The following ZNF276 variants were observed in gnomAD, a reference collection of about 807,000 sequenced individuals.
The protein encoded by ZNF276 is centromere protein Z.
In ZNF276, 59 loss-of-function variants were observed where a neutral mutation model predicts 63.9. That is an observed-to-expected ratio of 0.92 (90% CI 0.75 to 1.15). The LOEUF is 1.15. Ranked by LOEUF, ZNF276 falls within the 50% of genes most tolerant of loss-of-function variation. ZNF276 has a pLI of 0.00. For missense variants in ZNF276, 1,084 were observed against 843.8 expected (o/e 1.28, Z -3.53); for synonymous variants, 496 against 348.4 (o/e 1.42, Z -4.72).
Position 89,739,886 on chromosome 16 carries a change from A to G in ZNF276, c.*1640A>G, listed in dbSNP as rs755882784. 6.4e-7 allele frequency: 1 copy of G among 1,564,324 alleles called. No individual in the cohort carries two copies. Among genetic ancestry groups the G allele is most frequent in the Admixed American group, 1.9e-5 (1 of 53,250 alleles). On this transcript the variant is annotated 3_prime_UTR_variant, in exon 11 of 11. Transcript: ENST00000443381. The stretch of plus-strand genomic sequence containing the variant: ...CTGTCCCAACTAAAATGGAGCTTAT[A>G]AACTTACTTAGCAAGGAACCTCAAG...
At chr16:89,727,004 A>G (rs768197006) in intron 4 of ZNF276, among the ~76,000 whole-genome samples, 3 of 152,172 alleles carry the variant, frequency 2.0e-5, no homozygotes, top group Non-Finnish European at 4.4e-5. Flanking sequence ...GAAGGACTGG[A>G]TCGGAGTCAG....
In ZNF276 at chr16:89,738,146, C is replaced by A; in HGVS notation, c.1745C>A (p.Thr582Asn). The A allele has an allele frequency of 6.2e-7, 1 of 1,613,620 alleles. No homozygotes were observed. The highest frequency in any genetic ancestry group is 8.5e-7 in the Non-Finnish European group (1 of 1,180,002). The change falls in exon 11 of 11, where the codon ACC becomes AAC. Residue 582 changes from threonine to asparagine, a missense_variant. Transcript: ENST00000443381. ...TCCATGGTGCACCCGCTGACACAGACCCAGGACAAGGCCCTGCCCCTGGAG... is the reference window on the plus strand; with the variant it reads ...TCCATGGTGCACCCGCTGACACAGAACCAGGACAAGGCCCTGCCCCTGGAG... Reference protein sequence around the residue: ...HMSMVHPLTQTQDKALPLEAE... With the variant: ...HMSMVHPLTQNQDKALPLEAE...
At chr16:89,734,686 G>A (rs937601984) in intron 9 of ZNF276, among the ~76,000 whole-genome samples, 5 of 152,192 alleles carry the variant, frequency 3.3e-5, no homozygotes, top group Non-Finnish European at 5.9e-5. Context: ...AGCTGCCCAC[G>A]TGGACAGGCG....
chr16:89,735,555 G>A (rs1049923414), intron 9 of ZNF276, among the ~76,000 whole-genome samples: 2 of 152,040 alleles, frequency 1.3e-5, no homozygotes, highest in African/African-American at 2.4e-5. Context: ...GTCACTGATG[G>A]TCACAACCAG....
In ZNF276 at chr16:89,738,943, C is replaced by T. The variant is rs149851163; in HGVS notation, c.*697C>T. On this transcript the variant is annotated 3_prime_UTR_variant, in exon 11 of 11. Transcript: ENST00000443381. ...AGGTATTAACTGCAGCAGAAAAAGA[C>T]GAGCTTTTGTTATCAGTTCCACGGG... is the stretch of plus-strand genomic sequence containing the variant. 6.9e-5 allele frequency: 111 copies of T among 1,614,272 alleles called. No homozygotes were observed. Among genetic ancestry groups the T allele is most frequent in the Admixed American group, 8.3e-5 (5 of 60,032 alleles).
At chr16:89,736,888 G>A (rs2061931955) in intron 9 of ZNF276, among the ~76,000 whole-genome samples, 1 of 151,614 alleles carries the variant, frequency 6.6e-6, no homozygotes, top group Non-Finnish European at 1.5e-5. Context: ...CTGGGCAACA[G>A]AGCAAGACTC....
chr16:89,731,191 A>G (rs1482955422), intron 6 of ZNF276, among the ~76,000 whole-genome samples: 2 of 152,184 alleles, frequency 1.3e-5, no homozygotes, highest in Non-Finnish European at 2.9e-5. Flanking sequence ...GGTCATGAAA[A>G]CCAGTTATTA....
At chr16:89,727,679 G>A (rs962929410) in intron 5 of ZNF276, among the ~76,000 whole-genome samples, 4 of 152,246 alleles carry the variant, frequency 2.6e-5, no homozygotes, top group Non-Finnish European at 5.9e-5. Flanking sequence ...CAGCTCCAGA[G>A]GGAGCCTGAT....
At chr16:89,722,242 C>G (rs959552201) in intron 1 of ZNF276, among the ~76,000 whole-genome samples, 2 of 152,216 alleles carry the variant, frequency 1.3e-5, no homozygotes, top group Non-Finnish European at 2.9e-5. Context: ...GCGCCTGCCC[C>G]GGGTCTCGCG....
rs2061419584 is a variant in ZNF276 at position 89,724,832 on chromosome 16, AC to A, written c.1006+1125del. ...TATCTGTGTATCTATCTACCTACCTACCTATCTATCTTCCTACTTCTTTGTC... is the reference window on the plus strand; with the variant it reads ...TATCTGTGTATCTATCTACCTACCTACTATCTATCTTCCTACTTCTTTGTC... On this transcript the variant is annotated intron_variant, in intron 4 of 10. Transcript: ENST00000443381. Among the ~76,000 whole-genome samples the A allele has an allele frequency of 4.5e-5, 6 of 133,096 alleles. No individual in the cohort carries two copies. The South Asian group carries it at 1.1e-3, about 24-fold the overall frequency. 87.3% of individuals were successfully genotyped at this position (133,096 alleles called of 152,430 possible). A position where few individuals can be genotyped will look rare whatever the true frequency, so the allele number is the denominator to read the frequency against.
intron 5 of ZNF276, 42 bp from the exon 6 acceptor site, chr16:89,729,193 C>T (rs1391491339): frequency 2.5e-6 from 4 of 1,572,790 alleles, no homozygotes; most frequent in Non-Finnish European, 3.5e-6. Context: ...CTGTCACTGC[C>T]CAGGCCCAGG....
chr16:89,730,880 C>T (rs965929264), intron 6 of ZNF276, among the ~76,000 whole-genome samples: 30 of 152,304 alleles, frequency 2.0e-4, no homozygotes, highest in Admixed American at 1.8e-3. Context: ...CAGCTGGGGG[C>T]GCATGAGAAG....
chr16:89,735,515 G>C (rs768136538), intron 9 of ZNF276, among the ~76,000 whole-genome samples: 175 of 147,928 alleles, frequency 1.2e-3, no homozygotes, highest in Non-Finnish European at 1.5e-3. Context: ...ACTTCCTTGG[G>C]TTTGGTCCTT....
In ZNF276 at chr16:89,723,527, G is replaced by T. The variant is rs559873825; in HGVS notation, c.824G>T (p.Arg275Leu). 2 of 1,612,840 alleles carry T rather than the reference G, an allele frequency of 1.2e-6. No homozygotes were observed. The highest frequency in any genetic ancestry group is 2.2e-5 in the South Asian group (2 of 91,090). Reference protein sequence around the residue: ...KETAPRLPQHRGWNPGDAPQT... With the variant: ...KETAPRLPQHLGWNPGDAPQT... ...ACGGCGCCACGGCTGCCCCAGCACC[G>T]AGGGTGGAACCCTGGGGATGCCCCT... The change falls in exon 4 of 11, where the codon CGA becomes CTA. Residue 275 changes from arginine (R) to leucine (L), a missense_variant. Transcript: ENST00000443381.
chr16:89,734,598 T>C (rs2061786711), intron 9 of ZNF276, among the ~76,000 whole-genome samples: 1 of 152,060 alleles, frequency 6.6e-6, no homozygotes, highest in African/African-American at 2.4e-5. Context: ...AGATTACAGG[T>C]GTGAGCACTG....
At position 89,740,016 on chromosome 16, in the gene ZNF276, T is replaced by C. The variant is rs545021222; in HGVS notation, c.*1770T>C. On this transcript the variant is annotated 3_prime_UTR_variant, in exon 11 of 11. Transcript: ENST00000443381. ...TACCACTCTCTGTCAACTGAAAGAG[T>C]GCCAGCCAGGATATCTTCCTCTTCT... 47 of 1,614,082 alleles carry C rather than the reference T, an allele frequency of 2.9e-5. No individual in the cohort carries two copies. The African/African-American group carries it at 5.5e-4, about 19-fold the overall frequency.
intron 5 of ZNF276, 126 bp downstream of exon 5, chr16:89,727,483 C>A: frequency 1.8e-6 from 2 of 1,111,354 alleles, no homozygotes; most frequent in Non-Finnish European, 2.6e-6. Flanking sequence ...ACCAAACAGC[C>A]ATCGTAGGGT....
chr16:89,739,076 A>G lies in ZNF276; in HGVS notation c.*830A>G. 6.2e-7 allele frequency: 1 copy of G among 1,613,924 alleles called. No individual in the cohort carries two copies. The highest frequency in any genetic ancestry group is 1.6e-4 in the Middle Eastern group (1 of 6,062). Reference sequence around the variant, plus strand: ...GCTGTGCCGGAACATTCTTTGGCAGAAGGAGCCTCCGGCTGGGGGGAGCTC... The same window carrying G: ...GCTGTGCCGGAACATTCTTTGGCAGGAGGAGCCTCCGGCTGGGGGGAGCTC... On this transcript the variant is annotated 3_prime_UTR_variant, in exon 11 of 11. Transcript: ENST00000443381.
intron 5 of ZNF276, among the ~76,000 whole-genome samples, chr16:89,728,586 C>T (rs9941129): frequency 0.71 from 107,273 of 151,942 alleles, 39,473 homozygotes; most frequent in East Asian, 0.98. Flanking sequence ...GTATTTTTAG[C>T]AGAGACGGGG....
Sources: gnomAD v4.1 joint callset for allele counts (sites outside exome capture counted in the v4.1 genomes callset) on GRCh38, gnomAD v4.1.1 for gene constraint, MANE v1.5 for transcripts, NCBI Gene and HGNC (gene_info 2026-07-23, HGNC 2026-07-21) for gene names.